The following GSG1L variants were observed in gnomAD, a reference collection of about 807,000 sequenced individuals.
GSG1L encodes GSG1 like, also known as germ cell-specific gene 1-like protein.
In GSG1L, 24 loss-of-function variants were observed where a neutral mutation model predicts 42.1. That is an observed-to-expected ratio of 0.57 (90% CI 0.41 to 0.80). GSG1L has a LOEUF of 0.80. GSG1L is among the 30% of genes least tolerant of loss of function. GSG1L has a pLI of 0.00. For synonymous variants in GSG1L, 215 were observed against 203.5 expected, an observed-to-expected ratio of 1.06 and a Z score of -0.48; for missense variants, 445 against 472.2, an observed-to-expected ratio of 0.94 and a Z score of 0.53.
rs542827815 is a variant in GSG1L at position 27,844,808 on chromosome 16, G to A, written c.662+142C>T. On this transcript the variant is annotated intron_variant, in intron 4 of 6. Coordinates refer to ENST00000447459, the MANE Select transcript of GSG1L (RefSeq NM_001109763.2). ...AATCCCTGCCCTGGGGTCTTAAAGC[G>A]CCTTTGGACTACAGCCCCTCCAACT... 12 of 515,388 alleles carry A rather than the reference G, an allele frequency of 2.3e-5. No homozygotes were observed. In the Admixed American group the frequency reaches 2.4e-4, roughly 10 times the overall value. 31.9% of individuals were successfully genotyped at this position (515,388 alleles called of 1,614,324 possible).
intron 1 of GSG1L, among the ~76,000 whole-genome samples, chr16:28,045,262 T>C (rs573678490): frequency 1.5e-4 from 23 of 152,292 alleles, no homozygotes; most frequent in South Asian, 4.1e-4. Flanking sequence ...TTGTTACCAA[T>C]GTACCACTCT....
At chr16:27,959,113 G>A (rs147785488) in intron 2 of GSG1L, among the ~76,000 whole-genome samples, 125 of 151,732 alleles carry the variant, frequency 8.2e-4, no homozygotes, top group East Asian at 2.0e-3. Context: ...AGTGTCTTAC[G>A]TGTGCTAATG....
In GSG1L at chr16:27,791,119, C is replaced by T. The variant is rs2082746018; in HGVS notation, c.*251G>A. On this transcript the variant is annotated 3_prime_UTR_variant, in exon 7 of 7. Coordinates refer to ENST00000447459, the MANE Select transcript of GSG1L (RefSeq NM_001109763.2). ...CCCAGCAGGGCTCATGTGATGATGG[C>T]AAGAGTCCGGGGCTGCTGTCCCAAA... 2.8e-6 allele frequency: 1 copy of T among 353,312 alleles called. No homozygotes were observed. The highest frequency in any genetic ancestry group is 2.1e-5 in the African/African-American group (1 of 47,684). The allele number at this position is 353,312 out of a possible 1,614,324, so 21.9% of individuals were successfully genotyped here.
At chr16:27,974,331 C>A (rs1403077184) in intron 1 of GSG1L, among the ~76,000 whole-genome samples, 1 of 152,122 alleles carries the variant, frequency 6.6e-6, no homozygotes, top group Non-Finnish European at 1.5e-5. Flanking sequence ...AATCTTGCAC[C>A]CAGTGAGGGT....
intron 3 of GSG1L, among the ~76,000 whole-genome samples, chr16:27,859,451 A>T (rs1246475343): frequency 6.6e-6 from 1 of 152,234 alleles, no homozygotes; most frequent in Non-Finnish European, 1.5e-5. Context: ...TAAGAGCTCC[A>T]TCAGGGTAAG....
chr16:27,854,421 G>A (rs1289663303), intron 3 of GSG1L, among the ~76,000 whole-genome samples: 1 of 152,126 alleles, frequency 6.6e-6, no homozygotes, highest in Non-Finnish European at 1.5e-5. Context: ...GCACTATGCA[G>A]ATATGAGCAG....
At chr16:27,827,298 C>T (rs772972) in intron 5 of GSG1L, among the ~76,000 whole-genome samples, 62,131 of 151,882 alleles carry the variant, frequency 0.41, 13,250 homozygotes, top group African/African-American at 0.51. Flanking sequence ...CGGCCATTCG[C>T]GGGTACCTCT....
chr16:27,967,356 G>A (rs953639230), intron 1 of GSG1L, among the ~76,000 whole-genome samples: 14 of 152,204 alleles, frequency 9.2e-5, no homozygotes, highest in African/African-American at 3.4e-4. Context: ...CCAAGGAGGT[G>A]CTTCCTCTCT....
intron 3 of GSG1L, among the ~76,000 whole-genome samples, chr16:27,847,042 G>A (rs1180135200): frequency 2.0e-5 from 3 of 151,836 alleles, no homozygotes; most frequent in South Asian, 4.2e-4. Flanking sequence ...CACAGCATCT[G>A]TCCTACAAAT....
At chr16:27,899,732 TAAC>T (rs900958729) in intron 2 of GSG1L, among the ~76,000 whole-genome samples, 26 of 151,808 alleles carry the variant, frequency 1.7e-4, no homozygotes, top group African/African-American at 5.3e-4. Flanking sequence ...CATAAATAAA[TAAC>T]AACAAGACAC....
At chr16:27,820,133 C>T (rs1253773092) in intron 5 of GSG1L, among the ~76,000 whole-genome samples, 3 of 152,092 alleles carry the variant, frequency 2.0e-5, no homozygotes, top group African/African-American at 7.2e-5. Context: ...GTGTGAATAT[C>T]ATGAATGAGT....
At chr16:27,944,022 T>G (rs1005476856) in intron 2 of GSG1L, among the ~76,000 whole-genome samples, 6 of 152,194 alleles carry the variant, frequency 3.9e-5, no homozygotes, top group Non-Finnish European at 7.3e-5. Context: ...GGCCATAGTT[T>G]GGCAACCCTT....
intron 3 of GSG1L, among the ~76,000 whole-genome samples, chr16:27,847,250 A>C (rs1296155582): frequency 2.6e-5 from 4 of 152,152 alleles, no homozygotes; most frequent in Non-Finnish European, 1.5e-5. Flanking sequence ...CCAACTCCTG[A>C]AACTATAAAT....
intron 2 of GSG1L, among the ~76,000 whole-genome samples, chr16:27,924,899 C>T (rs2084573980): frequency 6.6e-6 from 1 of 152,194 alleles, no homozygotes; most frequent in South Asian, 2.1e-4. Flanking sequence ...GGTCGACTCA[C>T]ATCTCTTAAG....
intron 2 of GSG1L, among the ~76,000 whole-genome samples, chr16:27,950,680 T>G (rs1182504382): frequency 1.3e-5 from 2 of 152,084 alleles, no homozygotes; most frequent in African/African-American, 4.8e-5. Context: ...TGTGTGACCT[T>G]GAGCAAGGCA....
At chr16:27,991,280 C>T (rs1181783803) in intron 1 of GSG1L, among the ~76,000 whole-genome samples, 1 of 151,932 alleles carries the variant, frequency 6.6e-6, no homozygotes, top group Non-Finnish European at 1.5e-5. Flanking sequence ...TTTTAATTTT[C>T]TTCGTGATGT....
chr16:27,814,244 T>C (rs1424267212), intron 5 of GSG1L, among the ~76,000 whole-genome samples: 1 of 152,172 alleles, frequency 6.6e-6, no homozygotes, highest in African/African-American at 2.4e-5. Context: ...TCCAAGCAGC[T>C]GGGACTACAG....
intron 5 of GSG1L, among the ~76,000 whole-genome samples, chr16:27,821,041 ACT>A: frequency 6.6e-6 from 1 of 150,976 alleles, no homozygotes; most frequent in East Asian, 2.0e-4. Flanking sequence ...GTATTGAAAA[ACT>A]CAGCTCAGGG....
At chr16:27,843,913 C>T (rs1433205315) in intron 4 of GSG1L, among the ~76,000 whole-genome samples, 1 of 152,194 alleles carries the variant, frequency 6.6e-6, no homozygotes, top group African/African-American at 2.4e-5. Flanking sequence ...GAACAAGAGG[C>T]CCTTTCTCTC....
Sources: allele counts gnomAD v4.1 joint callset (sites outside exome capture counted in the v4.1 genomes callset), GRCh38; gene constraint gnomAD v4.1.1; transcripts MANE v1.5; gene names NCBI Gene and HGNC (gene_info 2026-07-23, HGNC 2026-07-21).